HCK: variants seen among roughly 807,000 people sequenced by gnomAD.
HCK encodes HCK proto-oncogene, Src family tyrosine kinase.
HCK carries 40 observed loss-of-function variants against 70.4 expected under a neutral mutation model. The observed-to-expected ratio is 0.57, with a 90% CI of 0.44 to 0.74. The LOEUF is 0.74. Ranked by LOEUF, HCK falls within the 30% of genes least tolerant of loss-of-function variation. The probability of loss-of-function intolerance (pLI) is 0.00; values close to 1 mark genes in which losing one functional copy is unlikely to be tolerated. For missense variants in HCK, 568 were observed against 697.2 expected (o/e 0.81, Z 2.09); for synonymous variants, 245 against 263.2 (o/e 0.93, Z 0.67).
chr20:32,054,475 TAAAAAAAAAAAAAAAAAAAAAAAAAAA>T (rs529274774), intron 1 of HCK, among the ~76,000 whole-genome samples: 30 of 15,882 alleles, frequency 1.9e-3, no homozygotes, highest in South Asian at 5.3e-3. Flanking sequence ...AAACTCCACC[TAAAAAAAAAAAAAAAAAAAAAAAAAAA>T]AAAAAAAAAA....
intron 9 of HCK, among the ~76,000 whole-genome samples, chr20:32,087,119 T>C (rs556676663): frequency 3.3e-5 from 5 of 152,220 alleles, no homozygotes; most frequent in Admixed American, 1.3e-4. Flanking sequence ...GGCCAGGGTG[T>C]GGCATGGGTG....
intron 1 of HCK, among the ~76,000 whole-genome samples, chr20:32,066,619 A>G (rs2045463621): frequency 1.3e-5 from 2 of 151,962 alleles, no homozygotes; most frequent in South Asian, 4.2e-4. Context: ...AGCCCCAGTG[A>G]CCTTTTTATG....
intron 5 of HCK, among the ~76,000 whole-genome samples, chr20:32,078,879 AGG>A (rs377179319): frequency 1.7e-4 from 23 of 135,000 alleles, no homozygotes; most frequent in South Asian, 9.2e-4. Flanking sequence ...AAAAAAAAAA[AGG>A]GGGGGAATGA....
intron 2 of HCK, 182 bp downstream of exon 2, chr20:32,071,964 G>A (rs1478954193): frequency 1.0e-5 from 7 of 681,992 alleles, no homozygotes; most frequent in Non-Finnish European, 1.7e-5. Flanking sequence ...ATGCATAGGG[G>A]CAAAGAAGTC....
intron 6 of HCK, among the ~76,000 whole-genome samples, chr20:32,082,548 A>G (rs1238171464): frequency 1.3e-5 from 2 of 152,110 alleles, no homozygotes; most frequent in African/African-American, 2.4e-5. Flanking sequence ...AGGCTGAGGT[A>G]GGAGAATTGC....
At chr20:32,083,353 T>C (rs1253680894) in intron 6 of HCK, among the ~76,000 whole-genome samples, 2 of 152,222 alleles carry the variant, frequency 1.3e-5, no homozygotes, top group African/African-American at 4.8e-5. Flanking sequence ...GGGACCACTA[T>C]TCAGCCTACC....
rs1165636131 is a variant in HCK at position 32,073,795 on chromosome 20, G to A, written c.306G>A (p.Gly102=). The change falls in exon 4 of 13, where the codon GGG becomes GGA. Residue 102 remains glycine (G), a synonymous_variant. Transcript: ENST00000375852. ...ACGAAGACCTCAGCTTCCAGAAGGG[G>A]GACCAGATGGTGGTCCTAGAGGAGT... 3 of 1,553,408 alleles carry A rather than the reference G, an allele frequency of 1.9e-6. No homozygotes were observed. Among genetic ancestry groups the A allele is most frequent in the Non-Finnish European group, 2.6e-6 (3 of 1,147,534 alleles).
chr20:32,086,506 C>G (rs1307065488), intron 8 of HCK, 122 bp from the exon 9 acceptor site: 1 of 806,350 alleles, frequency 1.2e-6, no homozygotes, highest in East Asian at 2.9e-5. Flanking sequence ...GCTTCCCTCT[C>G]TGAGAGTTGA....
At chr20:32,072,806 C>T (rs115501610) in intron 2 of HCK, among the ~76,000 whole-genome samples, 130 of 152,074 alleles carry the variant, frequency 8.5e-4, no homozygotes, top group African/African-American at 2.7e-3. Flanking sequence ...CATCCAAGAC[C>T]GAAGGCCGAG....
At chr20:32,057,698 C>T (rs1042369343) in intron 1 of HCK, among the ~76,000 whole-genome samples, 4 of 152,192 alleles carry the variant, frequency 2.6e-5, no homozygotes, top group African/African-American at 9.7e-5. Flanking sequence ...CAGCCTCTTT[C>T]TTTCTTACAT....
chr20:32,071,381 T>C (rs2045536146), intron 1 of HCK, among the ~76,000 whole-genome samples: 1 of 152,238 alleles, frequency 6.6e-6, no homozygotes, highest in Non-Finnish European at 1.5e-5. Flanking sequence ...ATCCTCTGAA[T>C]AAACATCCAT....
Position 32,059,773 on chromosome 20 carries a change from C to T in HCK, c.62+7287C>T, listed in dbSNP as rs1369721529. Among the ~76,000 whole-genome samples, 3 of 152,118 alleles carry T rather than the reference C, an allele frequency of 2.0e-5. No individual in the cohort carries two copies. The South Asian group carries it at 6.2e-4, about 31-fold the overall frequency. ...TCAAACGATCCTCCTGTCTTGACCT[C>T]TCAAAGTGCTGGTATTACAGATGTG... On this transcript the variant is annotated intron_variant, in intron 1 of 12. Coordinates refer to ENST00000375852, the MANE Select transcript of HCK (RefSeq NM_002110.5).
intron 2 of HCK, chr20:32,072,105 T>C: frequency 3.1e-6 from 1 of 322,754 alleles, no homozygotes; most frequent in East Asian, 5.6e-5. Flanking sequence ...ACAGTAATGA[T>C]AGCAGCTGAA....
intron 2 of HCK, 132 bp downstream of exon 2, chr20:32,071,914 G>C: frequency 8.9e-7 from 1 of 1,126,668 alleles, no homozygotes; most frequent in East Asian, 2.6e-5. Context: ...GCCACCAACA[G>C]TGTCCTGACT....
At chr20:32,060,374 C>G (rs550981322) in intron 1 of HCK, among the ~76,000 whole-genome samples, 109 of 152,286 alleles carry the variant, frequency 7.2e-4, no homozygotes, top group Non-Finnish European at 1.2e-3. Flanking sequence ...GCACCCACTA[C>G]CACGCCCAGC....
rs931802048 is a variant in HCK, at chr20:32,068,238, C to T, written c.63-3424C>T. On this transcript the variant is annotated intron_variant, in intron 1 of 12. Transcript: ENST00000375852. ...ACTTGAACCCTGGAGGCAGAGGTTGCGGTGAGTGGAGATGGCACCACCGTA... is the reference window on the plus strand; with the variant it reads ...ACTTGAACCCTGGAGGCAGAGGTTGTGGTGAGTGGAGATGGCACCACCGTA... Among the ~76,000 whole-genome samples, 54 of 151,450 alleles carry T rather than the reference C, an allele frequency of 3.6e-4. 1 individual carries two copies. Among genetic ancestry groups the T allele is most frequent in the East Asian group, 2.9e-3 (15 of 5,164 alleles).
At chr20:32,088,696 A>G (rs758555670) in intron 10 of HCK, 52 bp downstream of exon 10, 1 of 1,402,988 alleles carries the variant, frequency 7.1e-7, no homozygotes, top group South Asian at 1.2e-5. Flanking sequence ...CGATTTTTTT[A>G]CTTGCCAAAT....
chr20:32,085,645 C>T (rs1244607007), intron 8 of HCK, among the ~76,000 whole-genome samples: 1 of 152,158 alleles, frequency 6.6e-6, no homozygotes, highest in African/African-American at 2.4e-5. Context: ...TACAGGAAGC[C>T]CACGGTTCTG....
At chr20:32,084,175 C>T (rs967995299) in intron 7 of HCK, 132 bp downstream of exon 7, 2 of 1,114,966 alleles carry the variant, frequency 1.8e-6, no homozygotes, top group South Asian at 1.5e-5. Flanking sequence ...GCTTTGGATG[C>T]TTCTGAAGGC....
Sources: gnomAD v4.1 joint callset for allele counts (sites outside exome capture counted in the v4.1 genomes callset) on GRCh38, gnomAD v4.1.1 for gene constraint, MANE v1.5 for transcripts, NCBI Gene and HGNC (gene_info 2026-07-23, HGNC 2026-07-21) for gene names.